The following TNKS variants were observed in gnomAD, a reference collection of about 807,000 sequenced individuals.
The protein encoded by TNKS is poly [ADP-ribose] polymerase tankyrase-1.
In TNKS, 72 loss-of-function variants were observed where a neutral mutation model predicts 135.8. The observed-to-expected ratio is 0.53, with a 90% CI of 0.44 to 0.64. The LOEUF (loss-of-function observed/expected upper bound fraction) is 0.64, where lower values mean the gene tolerates loss of function less well. TNKS is among the 30% of genes least tolerant of loss of function. TNKS has a pLI of 0.00. For missense variants in TNKS, 1,769 were observed against 1,674.0 expected (o/e 1.06, Z -0.99); for synonymous variants, 849 against 649.3 (o/e 1.31, Z -4.68).
In TNKS at chr8:9,704,645, G is replaced by A. The variant is rs368132121; in HGVS notation, c.1108-18G>A. 1.3e-6 allele frequency: 2 copies of A among 1,590,470 alleles called. No individual in the cohort carries two copies. The highest frequency in any genetic ancestry group is 4.5e-5 in the East Asian group (2 of 44,692). On this transcript the variant is annotated intron_variant, in intron 5 of 26. Transcript: ENST00000310430. ...TTTGTTTGTTTTTACCTGAAAAGGG[G>A]ATGTTTTTCTTTTCTAGTCGACTCC...
intron 3 of TNKS, among the ~76,000 whole-genome samples, chr8:9,664,372 C>T (rs915307626): frequency 2.0e-5 from 3 of 152,196 alleles, no homozygotes; most frequent in Non-Finnish European, 2.9e-5. Flanking sequence ...ACTCACACTT[C>T]CTCCCCGTGC....
chr8:9,574,660 A>C (rs1417083266), intron 1 of TNKS, among the ~76,000 whole-genome samples: 5 of 152,112 alleles, frequency 3.3e-5, no homozygotes, highest in Admixed American at 3.3e-4. Context: ...ATGTACCCCA[A>C]ATTTATTTTC....
At chr8:9,564,972 A>G (rs770154564) in intron 1 of TNKS, among the ~76,000 whole-genome samples, 12 of 152,092 alleles carry the variant, frequency 7.9e-5, no homozygotes, top group Non-Finnish European at 1.6e-4. Context: ...AGGGATTTCT[A>G]CTAAAGCCTA....
At chr8:9,622,776 A>T (rs1020289077) in intron 3 of TNKS, among the ~76,000 whole-genome samples, 32 of 152,180 alleles carry the variant, frequency 2.1e-4, no homozygotes, top group African/African-American at 7.0e-4. Context: ...TCATCATCAT[A>T]TTATTATAAT....
chr8:9,769,658 C>T (rs367881968), intron 25 of TNKS, among the ~76,000 whole-genome samples: 78 of 120,880 alleles, frequency 6.5e-4, no homozygotes, highest in South Asian at 2.7e-3. Flanking sequence ...CTCGCTCTGT[C>T]GCCCAGCCTG....
intron 3 of TNKS, chr8:9,658,502 A>G: frequency 1.8e-6 from 1 of 556,920 alleles, no homozygotes; most frequent in South Asian, 2.5e-5. Context: ...TAAGTGAAGG[A>G]GAAATAAAAT....
chr8:9,605,805 G>T lies in TNKS; in HGVS notation c.899-9777G>T, dbSNP rs1799194689. ...CAAGTTGTATTGTTTGCCTTTTAAT[G>T]ATTGATTTGTAGAAGTTCTTTCTCT... On this transcript the variant is annotated intron_variant, in intron 2 of 26. Transcript: ENST00000310430. 2.0e-5 allele frequency among the ~76,000 whole-genome samples: 3 copies of T among 151,966 alleles called. No individual in the cohort carries two copies. The South Asian group carries it at 6.2e-4, about 31-fold the overall frequency.
intron 11 of TNKS, chr8:9,710,493 C>T (rs10099122): frequency 0.61 from 343,802 of 566,306 alleles, 106,175 homozygotes; most frequent in Middle Eastern, 0.71. Flanking sequence ...CTTTACATTA[C>T]TTTCAGTTAA....
chr8:9,585,446 A>C (rs1219662589), intron 2 of TNKS, among the ~76,000 whole-genome samples: 1 of 152,208 alleles, frequency 6.6e-6, no homozygotes, highest in Non-Finnish European at 1.5e-5. Flanking sequence ...AGGCTCAGGG[A>C]GCTCCATATG....
In TNKS at chr8:9,766,514, CTT is replaced by C; in HGVS notation, c.3740+90_3740+91del. ...TTTTTTTTTTTTTTTGAGATGAAGT[CTT>C]GCTCTTGTCACCCAGGCTGGAGTGC... On this transcript the variant is annotated intron_variant, in intron 25 of 26. Transcript: ENST00000310430. The C allele has an allele frequency of 4.3e-6, 5 of 1,169,892 alleles. No homozygotes were observed. In the South Asian group the frequency reaches 1.1e-4, roughly 26 times the overall value. The allele number at this position is 1,169,892 out of a possible 1,614,324, so 72.5% of individuals were successfully genotyped here.
intron 3 of TNKS, among the ~76,000 whole-genome samples, chr8:9,668,032 C>T (rs1246375892): frequency 6.6e-6 from 1 of 152,112 alleles, no homozygotes; most frequent in Non-Finnish European, 1.5e-5. Context: ...AGCAGTGGCA[C>T]CAAACCTGCA....
At chr8:9,576,744 A>G (rs1462730755) in intron 1 of TNKS, among the ~76,000 whole-genome samples, 1 of 152,116 alleles carries the variant, frequency 6.6e-6, no homozygotes, top group East Asian at 1.9e-4. Context: ...CACAGAGCCA[A>G]ACCATATCAG....
At chr8:9,711,969 A>G (rs1195480024) in intron 11 of TNKS, among the ~76,000 whole-genome samples, 1 of 152,204 alleles carries the variant, frequency 6.6e-6, no homozygotes, top group Non-Finnish European at 1.5e-5. Context: ...AAACATTGTA[A>G]TGCAGCACTT....
intron 20 of TNKS, among the ~76,000 whole-genome samples, chr8:9,759,233 T>C (rs1246032008): frequency 6.6e-6 from 1 of 152,224 alleles, no homozygotes; most frequent in Non-Finnish European, 1.5e-5. Context: ...TGCCATAGCG[T>C]GGCAGCCAGT....
chr8:9,690,144 A>G (rs764028330), intron 5 of TNKS, among the ~76,000 whole-genome samples: 27 of 152,304 alleles, frequency 1.8e-4, no homozygotes, highest in Middle Eastern at 3.4e-3. Flanking sequence ...TTGCACCTTG[A>G]GAGTACTCAG....
At chr8:9,658,649 T>A (rs930125729) in intron 3 of TNKS, among the ~76,000 whole-genome samples, 7 of 152,162 alleles carry the variant, frequency 4.6e-5, no homozygotes, top group Non-Finnish European at 7.4e-5. Context: ...TGTAAAGACC[T>A]TCAAGACTAG....
At chr8:9,672,673 A>C (rs1163844775) in intron 3 of TNKS, among the ~76,000 whole-genome samples, 3 of 130,084 alleles carry the variant, frequency 2.3e-5, no homozygotes, top group African/African-American at 8.5e-5. Context: ...AAAAAAAAAA[A>C]AAACACATAC....
At position 9,574,250 on chromosome 8, in the gene TNKS, A is replaced by C. The variant is rs565544683; in HGVS notation, c.674-5909A>C. 2.6e-5 allele frequency among the ~76,000 whole-genome samples: 4 copies of C among 152,360 alleles called. No individual in the cohort carries two copies. In the East Asian group the frequency reaches 7.7e-4, roughly 29 times the overall value. ...TTATATTACTTGATATAGTTGTTGC[A>C]GAAAAGCAGTTCATCGGGGTACACT... On this transcript the variant is annotated intron_variant, in intron 1 of 26. Transcript: ENST00000310430.
At chr8:9,757,424 T>C (rs1444666974) in intron 20 of TNKS, among the ~76,000 whole-genome samples, 1 of 152,230 alleles carries the variant, frequency 6.6e-6, no homozygotes, top group Non-Finnish European at 1.5e-5. Flanking sequence ...GTCCCTCAAA[T>C]ACTCTGTATT....
Sources: allele counts gnomAD v4.1 joint callset (sites outside exome capture counted in the v4.1 genomes callset), GRCh38; gene constraint gnomAD v4.1.1; transcripts MANE v1.5; gene names NCBI Gene and HGNC (gene_info 2026-07-23, HGNC 2026-07-21).